Variants in CDYL2 observed in about 807,000 individuals in gnomAD.
CDYL2 encodes chromodomain Y like 2.
Under a neutral mutation model 49.4 loss-of-function variants are expected in CDYL2, and 23 were observed. The ratio of observed to expected loss-of-function variants is 0.47; its 90% CI spans 0.34 to 0.66. The LOEUF (loss-of-function observed/expected upper bound fraction) is 0.66, where lower values mean the gene tolerates loss of function less well. Ranked by LOEUF, CDYL2 falls within the 30% of genes least tolerant of loss-of-function variation. The probability of loss-of-function intolerance (pLI) is 0.01; values close to 1 mark genes in which losing one functional copy is unlikely to be tolerated. For synonymous variants in CDYL2, 360 were observed against 268.8 expected, an observed-to-expected ratio of 1.34 and a Z score of -3.32; for missense variants, 678 against 656.4, an observed-to-expected ratio of 1.03 and a Z score of -0.36.
chr16:80,660,883 C>A (rs1406911513), intron 2 of CDYL2, among the ~76,000 whole-genome samples: 1 of 152,096 alleles, frequency 6.6e-6, no homozygotes, highest in Non-Finnish European at 1.5e-5. Context: ...GAATTCACTG[C>A]AGTGTGCAAG....
chr16:80,647,867 A>G (rs1473831319), intron 2 of CDYL2, among the ~76,000 whole-genome samples: 1 of 152,164 alleles, frequency 6.6e-6, no homozygotes, highest in Admixed American at 6.5e-5. Flanking sequence ...GAAATCAATA[A>G]CAGGAATTTT....
At chr16:80,645,534 G>T (rs1416153554) in intron 2 of CDYL2, among the ~76,000 whole-genome samples, 1 of 152,136 alleles carries the variant, frequency 6.6e-6, no homozygotes, top group Non-Finnish European at 1.5e-5. Context: ...TACACTGTTG[G>T]TGGTACTGTA....
At chr16:80,753,975 A>G (rs1318744438) in intron 1 of CDYL2, among the ~76,000 whole-genome samples, 1 of 152,258 alleles carries the variant, frequency 6.6e-6, no homozygotes, top group Non-Finnish European at 1.5e-5. Context: ...TGCAGGAAAC[A>G]CAGGAGAATG....
intron 4 of CDYL2, among the ~76,000 whole-genome samples, chr16:80,615,785 T>C (rs867685574): frequency 6.6e-6 from 1 of 152,130 alleles, no homozygotes; most frequent in Non-Finnish European, 1.5e-5. Flanking sequence ...CAGCCCCTCC[T>C]GTGTCATCCA....
intron 1 of CDYL2, among the ~76,000 whole-genome samples, chr16:80,769,315 A>C (rs1906829893): frequency 6.6e-6 from 1 of 152,242 alleles, no homozygotes; most frequent in South Asian, 2.1e-4. Flanking sequence ...TAGTAAAAGC[A>C]TGAGTTAATG....
chr16:80,613,608 G>C (rs1906699657), intron 4 of CDYL2, among the ~76,000 whole-genome samples: 1 of 152,136 alleles, frequency 6.6e-6, no homozygotes, highest in South Asian at 2.1e-4. Flanking sequence ...TTCTCTCCCT[G>C]CCCTTCTGCA....
At chr16:80,652,707 T>A (rs182143600) in intron 2 of CDYL2, among the ~76,000 whole-genome samples, 13 of 152,256 alleles carry the variant, frequency 8.5e-5, no homozygotes, top group Admixed American at 7.2e-4. Flanking sequence ...TTCTTAGTCT[T>A]TATGAACTAT....
intron 1 of CDYL2, among the ~76,000 whole-genome samples, chr16:80,771,211 T>C (rs914294865): frequency 2.0e-5 from 3 of 152,192 alleles, no homozygotes; most frequent in Non-Finnish European, 2.9e-5. Context: ...CTCAGTTCAG[T>C]TCTACAAATA....
chr16:80,762,581 G>T (rs1047972692), intron 1 of CDYL2, among the ~76,000 whole-genome samples: 1 of 152,202 alleles, frequency 6.6e-6, no homozygotes, highest in Non-Finnish European at 1.5e-5. Context: ...CATGGTGCCA[G>T]AGAAAACTAC....
Position 80,667,458 on chromosome 16 carries a change from C to G in CDYL2, c.616+17080G>C, listed in dbSNP as rs1439279690. ...TTTCGGCTCATTTTATCAGATTCCACTTATGCATCACCTCCTCCAAGAAGC... is the reference window on the plus strand; with the variant it reads ...TTTCGGCTCATTTTATCAGATTCCAGTTATGCATCACCTCCTCCAAGAAGC... On this transcript the variant is annotated intron_variant, in intron 2 of 6. Transcript: ENST00000570137. Among the ~76,000 whole-genome samples, 3 of 152,168 alleles carry G rather than the reference C, an allele frequency of 2.0e-5. 1 individual carries two copies. The highest frequency in any genetic ancestry group is 4.4e-5 in the Non-Finnish European group (3 of 68,032).
At chr16:80,640,440 G>C (rs368670136) in intron 2 of CDYL2, among the ~76,000 whole-genome samples, 4 of 152,120 alleles carry the variant, frequency 2.6e-5, no homozygotes, top group East Asian at 3.9e-4. Context: ...ACCACGTTGA[G>C]GGCCTTGGGT....
At chr16:80,799,415 G>T (rs1284403334) in intron 1 of CDYL2, among the ~76,000 whole-genome samples, 1 of 152,106 alleles carries the variant, frequency 6.6e-6, no homozygotes. Flanking sequence ...GCTCCTGGAG[G>T]ACGTGATCAT....
chr16:80,673,255 G>C (rs937739840), intron 2 of CDYL2, among the ~76,000 whole-genome samples: 4 of 152,100 alleles, frequency 2.6e-5, no homozygotes, highest in African/African-American at 9.7e-5. Flanking sequence ...GGGAGGCGGA[G>C]GTTGCAGTGA....
At chr16:80,722,107 A>G (rs140824215) in intron 1 of CDYL2, among the ~76,000 whole-genome samples, 2 of 152,358 alleles carry the variant, frequency 1.3e-5, no homozygotes, top group South Asian at 2.1e-4. Flanking sequence ...ATTGAGTCAT[A>G]TAATAGAGGT....
chr16:80,676,040 C>T (rs1405758910), intron 2 of CDYL2, among the ~76,000 whole-genome samples: 3 of 152,096 alleles, frequency 2.0e-5, no homozygotes, highest in African/African-American at 4.8e-5. Flanking sequence ...AGGAGCCAAG[C>T]GGGGAGAATC....
chr16:80,790,065 T>G (rs950214592), intron 1 of CDYL2, among the ~76,000 whole-genome samples: 2 of 152,126 alleles, frequency 1.3e-5, no homozygotes, highest in Non-Finnish European at 2.9e-5. Flanking sequence ...AATAAAATAA[T>G]AGCAAACGCT....
chr16:80,800,246 A>G (rs935793997), intron 1 of CDYL2, among the ~76,000 whole-genome samples: 5 of 152,196 alleles, frequency 3.3e-5, no homozygotes, highest in Admixed American at 1.3e-4. Context: ...CTATGAAAAC[A>G]TTTCTCCTTA....
At chr16:80,685,670 C>T (rs965269818) in intron 1 of CDYL2, among the ~76,000 whole-genome samples, 7 of 152,188 alleles carry the variant, frequency 4.6e-5, no homozygotes, top group African/African-American at 1.7e-4. Context: ...CATAGACTCT[C>T]CCATCTCATT....
intron 1 of CDYL2, among the ~76,000 whole-genome samples, chr16:80,763,219 T>C (rs140835561): frequency 3.4e-3 from 8 of 2,380 alleles, no homozygotes; most frequent in Non-Finnish European, 8.1e-3. Context: ...GGCAACTTTA[T>C]AGAATGTAAT....
Sources: gnomAD v4.1 joint callset for allele counts (sites outside exome capture counted in the v4.1 genomes callset) on GRCh38, gnomAD v4.1.1 for gene constraint, MANE v1.5 for transcripts, NCBI Gene and HGNC (gene_info 2026-07-23, HGNC 2026-07-21) for gene names.